The following OLA1 variants were observed in gnomAD, a reference collection of about 807,000 sequenced individuals.
OLA1 encodes obg-like ATPase 1.
In OLA1, 14 loss-of-function variants were observed where a neutral mutation model predicts 48.4. That is an observed-to-expected ratio of 0.29 (90% CI 0.19 to 0.45). OLA1 has a LOEUF of 0.45. Ranked by LOEUF, OLA1 falls within the 20% of genes least tolerant of loss-of-function variation. The pLI is 1.00. For missense variants in OLA1, 325 were observed against 467.1 expected, an observed-to-expected ratio of 0.70 and a Z score of 2.80; for synonymous variants, 127 against 150.4, an observed-to-expected ratio of 0.84 and a Z score of 1.14.
intron 10 of OLA1, among the ~76,000 whole-genome samples, chr2:174,077,878 C>T (rs1054632934): frequency 2.6e-5 from 4 of 151,838 alleles, no homozygotes; most frequent in East Asian, 1.9e-4. Flanking sequence ...GATTTTTGTT[C>T]GTCTAATTAG....
intron 7 of OLA1, among the ~76,000 whole-genome samples, chr2:174,085,975 T>C (rs1301032944): frequency 1.3e-5 from 2 of 152,162 alleles, no homozygotes; most frequent in African/African-American, 4.8e-5. Context: ...TTCCTGCATA[T>C]GGGCTATATT....
intron 7 of OLA1, among the ~76,000 whole-genome samples, chr2:174,100,253 A>G (rs1685360336): frequency 6.6e-6 from 1 of 152,228 alleles, no homozygotes. Context: ...ACTATGTGTC[A>G]GATACTGTGC....
intron 4 of OLA1, among the ~76,000 whole-genome samples, chr2:174,150,017 G>A (rs1002439529): frequency 6.6e-6 from 1 of 152,158 alleles, no homozygotes; most frequent in Non-Finnish European, 1.5e-5. Flanking sequence ...AAGAGTAGAG[G>A]CTTCATTCAC....
At chr2:174,234,326 G>T (rs1477734141) in intron 2 of OLA1, among the ~76,000 whole-genome samples, 1 of 152,130 alleles carries the variant, frequency 6.6e-6, no homozygotes. Context: ...TATGTTATTG[G>T]TAAGGCTTCC....
chr2:174,246,844 A>G (rs1559024957), intron 1 of OLA1, 29 bp from the exon 2 acceptor site: 1 of 1,437,194 alleles, frequency 7.0e-7, no homozygotes, highest in Non-Finnish European at 9.7e-7. Flanking sequence ...CATATGAACA[A>G]AACTTTTTAC....
Position 174,085,430 on chromosome 2 carries a change from C to T in OLA1, c.729-3366G>A, listed in dbSNP as rs183567580. On this transcript the variant is annotated intron_variant, in intron 7 of 10. Transcript: ENST00000284719. ...GCACGTGCAAGGGATCCAGGTTGTG[C>T]GCTCCTTACAAGAATCTAATGCCTG... Among the ~76,000 whole-genome samples, 21 of 152,250 alleles carry T rather than the reference C, an allele frequency of 1.4e-4. No individual in the cohort carries two copies. In the East Asian group the frequency reaches 2.5e-3, roughly 18 times the overall value.
intron 4 of OLA1, among the ~76,000 whole-genome samples, chr2:174,163,770 ATATATAAAT>A (rs1687088859): frequency 3.8e-5 from 1 of 26,422 alleles, no homozygotes; most frequent in South Asian, 2.1e-3. Context: ...ATATATATAT[ATATATAAAT>A]AAATGTTTGG....
intron 4 of OLA1, among the ~76,000 whole-genome samples, chr2:174,144,931 A>T (rs544846933): frequency 2.0e-3 from 54 of 26,942 alleles, no homozygotes; most frequent in African/African-American, 7.3e-3. Context: ...GACCCTGTTT[A>T]AAAAAAAAAA....
intron 2 of OLA1, among the ~76,000 whole-genome samples, chr2:174,234,984 G>C (rs1315107804): frequency 6.6e-6 from 1 of 151,940 alleles, no homozygotes; most frequent in Non-Finnish European, 1.5e-5. Context: ...TATGATGAAA[G>C]CCCATCTCTA....
At chr2:174,241,086 A>G (rs1467338327) in intron 2 of OLA1, among the ~76,000 whole-genome samples, 1 of 152,182 alleles carries the variant, frequency 6.6e-6, no homozygotes, top group Admixed American at 6.5e-5. Context: ...ACGCCAAGAT[A>G]TAAGGAAGCT....
chr2:174,223,471 C>CA (rs1279257351), intron 3 of OLA1, among the ~76,000 whole-genome samples: 1 of 152,110 alleles, frequency 6.6e-6, no homozygotes, highest in East Asian at 1.9e-4. Flanking sequence ...CACACACACT[C>CA]AAAAGCGGTG....
chr2:174,120,869 T>C (rs2105366123), intron 7 of OLA1, among the ~76,000 whole-genome samples: 1 of 152,290 alleles, frequency 6.6e-6, no homozygotes, highest in Non-Finnish European at 1.5e-5. Context: ...TGGTTTAAAA[T>C]AGTTTTCCAG....
rs1241115661 is a variant in OLA1 at position 174,075,424 on chromosome 2, T to G, written c.*2A>C. 6.4e-7 allele frequency: 1 copy of G among 1,557,724 alleles called. No homozygotes were observed. The highest frequency in any genetic ancestry group is 1.1e-5 in the South Asian group (1 of 89,422). On this transcript the variant is annotated 3_prime_UTR_variant, in exon 11 of 11. Transcript: ENST00000284719. Reference sequence around the variant, plus strand: ...TATGTTTATCTGAGCAATAACTAAATTTTATTTCTTCTTCGGTTGTTGAGG... The same window carrying G: ...TATGTTTATCTGAGCAATAACTAAAGTTTATTTCTTCTTCGGTTGTTGAGG...
intron 2 of OLA1, among the ~76,000 whole-genome samples, chr2:174,245,402 G>GCT (rs1322024986): frequency 1.3e-5 from 2 of 152,294 alleles, no homozygotes; most frequent in African/African-American, 2.4e-5. Context: ...GTCACGCCAT[G>GCT]CTCTGTTCAT....
At chr2:174,166,961 T>C (rs1048928979) in intron 4 of OLA1, among the ~76,000 whole-genome samples, 1 of 152,216 alleles carries the variant, frequency 6.6e-6, no homozygotes, top group Non-Finnish European at 1.5e-5. Flanking sequence ...ATTCACTTAA[T>C]GTCTACTTTT....
intron 5 of OLA1, among the ~76,000 whole-genome samples, chr2:174,130,964 T>C (rs1686167696): frequency 6.6e-6 from 1 of 152,070 alleles, no homozygotes; most frequent in South Asian, 2.1e-4. Flanking sequence ...TCTAGAGAGT[T>C]GATAAAAGTA....
chr2:174,075,503 C>T lies in OLA1; in HGVS notation c.1114G>A (p.Gly372Ser). 8.7e-6 allele frequency: 14 copies of T among 1,610,326 alleles called. No homozygotes were observed. The highest frequency in any genetic ancestry group is 1.1e-5 in the Non-Finnish European group (13 of 1,177,210). Residue 372 changes from glycine to serine, a missense_variant, in exon 11 of 11, where the codon GGC becomes AGC. Physicochemically the swap from Gly to Ser is moderately conservative, Grantham distance 56. Transcript: ENST00000284719. The stretch of plus-strand genomic sequence containing the variant: ...CCATCTTCAACAATATAATTTCTGC[C>T]TTGTTGTCTGTACTTTCCAGCAGCC... ...VKAAGKYRQQ[G>S]RNYIVEDGDI... is the part of the protein sequence containing the mutation.
At position 174,141,873 on chromosome 2, in the gene OLA1, T is replaced by C. The variant is rs1337016204; in HGVS notation, c.501A>G (p.Leu167=). Residue 167 remains leucine, a synonymous_variant, in exon 5 of 11, where the codon CTA becomes CTG. Transcript: ENST00000284719. The stretch of plus-strand genomic sequence containing the variant: ...CTCCTCCTCTCACAGCCACCTTTTC[T>C]AGTTTATCTATAATGGGCCCAATCA... ...EEMIGPIIDK[L]EKVAVRGGDK... 2.5e-6 allele frequency: 4 copies of C among 1,610,916 alleles called. No individual in the cohort carries two copies. In the Admixed American group the frequency reaches 5.0e-5, roughly 20 times the overall value.
At chr2:174,170,010 T>C (rs1399588428) in intron 4 of OLA1, among the ~76,000 whole-genome samples, 1 of 152,192 alleles carries the variant, frequency 6.6e-6, no homozygotes, top group African/African-American at 2.4e-5. Context: ...GTTTTCTATA[T>C]TTTACATGAA....
Sources: gnomAD v4.1 joint callset for allele counts (sites outside exome capture counted in the v4.1 genomes callset) on GRCh38, gnomAD v4.1.1 for gene constraint, MANE v1.5 for transcripts, NCBI Gene and HGNC (gene_info 2026-07-23, HGNC 2026-07-21) for gene names.